The following REPS2 variants were observed in gnomAD, a reference collection of about 807,000 sequenced individuals.
REPS2 encodes the protein RALBP1 associated Eps domain containing 2.
A neutral mutation model predicts 53.6 loss-of-function variants in REPS2; 23 were observed. The ratio of observed to expected loss-of-function variants is 0.43; its 90% CI spans 0.31 to 0.61. The LOEUF (loss-of-function observed/expected upper bound fraction) is 0.61. Ranked by LOEUF, REPS2 falls within the 20% of genes least tolerant of loss-of-function variation. The probability of loss-of-function intolerance (pLI) is 0.11; values close to 1 mark genes in which losing one functional copy is unlikely to be tolerated. For missense variants in REPS2, 446 were observed against 534.9 expected (o/e 0.83, Z 1.64); for synonymous variants, 238 against 218.6 (o/e 1.09, Z -0.78).
the REPS2 span, among the ~76,000 whole-genome samples, chrX:17,165,620 T>C: frequency 1.8e-5 from 2 of 111,747 alleles, no homozygotes; most frequent in Non-Finnish European, 3.8e-5. Context: ...TTGAACAGAC[T>C]CTGCTTTTGA....
At chrX:17,132,694 C>T (rs1008903496) in intron 14 of REPS2, among the ~76,000 whole-genome samples, 4 of 111,842 alleles carry the variant, frequency 3.6e-5, no homozygotes, top group African/African-American at 6.5e-5. Context: ...CCCATCATCA[C>T]GCCTGGCTAG....
At chrX:17,021,754 G>A (rs2061580493) in intron 2 of REPS2, among the ~76,000 whole-genome samples, 1 of 112,359 alleles carries the variant, frequency 8.9e-6, no homozygotes, top group South Asian at 3.6e-4. Flanking sequence ...CTTTAATACT[G>A]TGCCTGGCAT....
chrX:17,029,196 A>G (rs2061679823), intron 4 of REPS2, among the ~76,000 whole-genome samples: 1 of 111,798 alleles, frequency 8.9e-6, no homozygotes, highest in Admixed American at 9.5e-5. Context: ...TTTACCTCAT[A>G]TTTAGAATTT....
chrX:16,988,343 G>A (rs969768848), intron 1 of REPS2, among the ~76,000 whole-genome samples: 48 of 111,896 alleles, frequency 4.3e-4, no homozygotes, highest in African/African-American at 1.5e-3. Context: ...AGAAGACCCT[G>A]AGAAATCTAC....
intron 7 of REPS2, among the ~76,000 whole-genome samples, 174 bp downstream of exon 7, chrX:17,052,619 A>G (rs937583340): frequency 1.8e-5 from 2 of 112,616 alleles, no homozygotes; most frequent in African/African-American, 6.4e-5. Context: ...TATGAAAAGT[A>G]CAATGAACAA....
At chrX:17,159,315 A>G in the REPS2 span, among the ~76,000 whole-genome samples, 2 of 111,435 alleles carry the variant, frequency 1.8e-5, no homozygotes, top group African/African-American at 6.5e-5. Flanking sequence ...CAACTTCCTT[A>G]CTTTCTACCT....
At chrX:17,156,293 CAGAAAGAA>C (rs950464320), downstream of REPS2, among the ~76,000 whole-genome samples, 2 of 110,490 alleles carry the variant, frequency 1.8e-5, no homozygotes, top group African/African-American at 6.6e-5. Context: ...GCAGATTTGG[CAGAAAGAA>C]GGAATTGACA....
the REPS2 span, among the ~76,000 whole-genome samples, chrX:17,184,489 A>C: frequency 8.9e-3 from 956 of 107,080 alleles, 13 homozygotes; most frequent in African/African-American, 0.031. Context: ...CAATAAACAT[A>C]CGTGTGCATG....
chrX:16,989,357 G>C (rs2061134077), intron 1 of REPS2, among the ~76,000 whole-genome samples: 1 of 110,513 alleles, frequency 9.0e-6, no homozygotes, highest in Admixed American at 9.6e-5. Context: ...AAAATAATTA[G>C]AGAAAATCTT....
intron 9 of REPS2, 82 bp downstream of exon 9, chrX:17,062,614 A>G: frequency 1.5e-6 from 1 of 685,073 alleles, no homozygotes; most frequent in African/African-American, 2.3e-5. Context: ...AATTCTGGAA[A>G]ATGAACTTTT....
At chrX:17,001,122 A>G (rs746166052) in intron 1 of REPS2, among the ~76,000 whole-genome samples, 1 of 112,558 alleles carries the variant, frequency 8.9e-6, no homozygotes, top group Non-Finnish European at 1.9e-5. Context: ...GTGATTTTGC[A>G]TTAGTATTCT....
intron 5 of REPS2, 53 bp downstream of exon 5, chrX:17,029,676 C>A: frequency 1.1e-6 from 1 of 886,846 alleles, no homozygotes; most frequent in Non-Finnish European, 1.6e-6. Flanking sequence ...AAGCTTTGGG[C>A]TTCGGGGACA....
At chrX:16,978,682 G>A in intron 1 of REPS2, 1 of 383,907 alleles carries the variant, frequency 2.6e-6, no homozygotes, top group Non-Finnish European at 3.3e-6. Flanking sequence ...CATTTTGCAG[G>A]TAAGGAAGAA....
intron 1 of REPS2, among the ~76,000 whole-genome samples, chrX:16,947,563 G>A (rs1369679778): frequency 8.9e-6 from 1 of 111,853 alleles, no homozygotes; most frequent in East Asian, 2.8e-4. Flanking sequence ...CAACTTGAAG[G>A]GTGTGTGTGT....
chrX:17,052,248 T>G (rs2062013249), intron 6 of REPS2, 134 bp from the exon 7 acceptor site: 2 of 430,521 alleles, frequency 4.6e-6, no homozygotes, highest in Non-Finnish European at 7.8e-6. Flanking sequence ...TCATAATTGC[T>G]TTGAGGAATA....
chrX:17,129,146 G>A (rs1343188580), intron 14 of REPS2, among the ~76,000 whole-genome samples: 1 of 111,820 alleles, frequency 8.9e-6, no homozygotes, highest in Non-Finnish European at 1.9e-5. Flanking sequence ...AATACACAGA[G>A]GAGGAAGAGA....
At chrX:17,177,835 G>A in the REPS2 span, among the ~76,000 whole-genome samples, 1 of 111,697 alleles carries the variant, frequency 9.0e-6, no homozygotes, top group African/African-American at 3.3e-5. Flanking sequence ...TTATATGACT[G>A]AAAAAATATC....
intron 1 of REPS2, among the ~76,000 whole-genome samples, chrX:16,991,730 A>G (rs1231412027): frequency 9.1e-6 from 1 of 109,836 alleles, no homozygotes; most frequent in Non-Finnish European, 1.9e-5. Context: ...TAGAATAAAA[A>G]ATAAATAAAT....
At chrX:17,115,836 C>G (rs946889581) in intron 14 of REPS2, among the ~76,000 whole-genome samples, 1 of 111,722 alleles carries the variant, frequency 9.0e-6, no homozygotes. Context: ...TCAGAGAGCA[C>G]GGGGTTGGGG....
Sources: gnomAD v4.1 joint callset for allele counts (sites outside exome capture counted in the v4.1 genomes callset) on GRCh38, gnomAD v4.1.1 for gene constraint, MANE v1.5 for transcripts, NCBI Gene and HGNC (gene_info 2026-07-23, HGNC 2026-07-21) for gene names.